Variants in PHACTR1 observed in about 807,000 individuals in gnomAD.
PHACTR1 encodes RPEL repeat containing 1.
In PHACTR1, 16 loss-of-function variants were observed where a neutral mutation model predicts 69.2. That is an observed-to-expected ratio of 0.23 (90% CI 0.16 to 0.35). PHACTR1 has a LOEUF of 0.35. PHACTR1 is among the 10% of genes least tolerant of loss of function. The probability of loss-of-function intolerance (pLI) is 1.00; values close to 1 mark genes in which losing one functional copy is unlikely to be tolerated. For synonymous variants in PHACTR1, 312 were observed against 284.5 expected (o/e 1.10, Z -0.97); for missense variants, 510 against 734.7 (o/e 0.69, Z 3.54).
chr6:12,901,587 T>C (rs1785197480), intron 4 of PHACTR1, among the ~76,000 whole-genome samples: 1 of 152,098 alleles, frequency 6.6e-6, no homozygotes, highest in Non-Finnish European at 1.5e-5. Context: ...CTCCGCCTCC[T>C]GGGTTCAAGC....
chr6:13,197,088 G>A (rs1052143102), intron 7 of PHACTR1, among the ~76,000 whole-genome samples: 8 of 152,218 alleles, frequency 5.3e-5, no homozygotes, highest in Non-Finnish European at 8.8e-5. Flanking sequence ...GCACGTTCAC[G>A]TGATCCTGTC....
chr6:12,828,235 T>G (rs1278011524), intron 4 of PHACTR1, among the ~76,000 whole-genome samples: 2 of 152,206 alleles, frequency 1.3e-5, no homozygotes, highest in Non-Finnish European at 2.9e-5. Context: ...TTTGCTTCTC[T>G]ATTCTTCCCA....
At position 12,718,792 on chromosome 6, in the gene PHACTR1, C is replaced by T; in HGVS notation, c.48C>T (p.His16=). ...MDYFLDVESA[H]RLLDVESAQR... ...ATTTTCTGGATGTAGAGTCTGCTCA[C>T]AGACTCTTGGATGTTGAGTCAGCTC... The change falls in exon 3 of 15, where the codon CAC becomes CAT. Residue 16 remains histidine (H), a synonymous_variant. Transcript: ENST00000332995. 1 of 1,573,746 alleles carries T rather than the reference C, an allele frequency of 6.4e-7. No individual in the cohort carries two copies. The highest frequency in any genetic ancestry group is 8.6e-7 in the Non-Finnish European group (1 of 1,157,096).
At chr6:13,083,662 T>A (rs541220059) in intron 5 of PHACTR1, among the ~76,000 whole-genome samples, 40 of 152,326 alleles carry the variant, frequency 2.6e-4, no homozygotes, top group African/African-American at 8.4e-4. Context: ...GTCCTTTACA[T>A]CCCTTGTAAG....
chr6:12,875,224 G>T (rs115754258), intron 4 of PHACTR1, among the ~76,000 whole-genome samples: 2 of 152,136 alleles, frequency 1.3e-5, no homozygotes, highest in African/African-American at 4.8e-5. Flanking sequence ...ATTCAATGGC[G>T]TGCATGTTAC....
At position 13,028,874 on chromosome 6, in the gene PHACTR1, G is replaced by T. The variant is rs895142506; in HGVS notation, c.251-24491G>T. Among the ~76,000 whole-genome samples the T allele has an allele frequency of 2.6e-5, 4 of 152,326 alleles. No homozygotes were observed. In the East Asian group the frequency reaches 7.7e-4, roughly 29 times the overall value. ...GAGTTCAGTGTGGACTAGTGTCTAG[G>T]AGGAGGCTTTGTATGAAGAGGCTGG... On this transcript the variant is annotated intron_variant, in intron 4 of 14. Coordinates refer to ENST00000332995, the MANE Select transcript of PHACTR1 (RefSeq NM_030948.6).
intron 5 of PHACTR1, among the ~76,000 whole-genome samples, chr6:13,121,622 C>T (rs1379491450): frequency 6.6e-6 from 1 of 152,054 alleles, no homozygotes; most frequent in African/African-American, 2.4e-5. Context: ...CTATAAGCAA[C>T]GGAGAGACAT....
At chr6:12,907,530 G>A (rs2127491092) in intron 4 of PHACTR1, among the ~76,000 whole-genome samples, 1 of 152,310 alleles carries the variant, frequency 6.6e-6, no homozygotes, top group South Asian at 2.1e-4. Context: ...TCTAAGGTTG[G>A]TCCTCAGTTT....
intron 4 of PHACTR1, among the ~76,000 whole-genome samples, chr6:12,936,807 G>T (rs981432934): frequency 5.9e-5 from 9 of 152,220 alleles, no homozygotes; most frequent in African/African-American, 1.9e-4. Flanking sequence ...CAAAAAGACA[G>T]TTGTGGTAAG....
At chr6:13,135,227 C>T (rs1821366332) in intron 5 of PHACTR1, among the ~76,000 whole-genome samples, 1 of 152,222 alleles carries the variant, frequency 6.6e-6, no homozygotes, top group East Asian at 1.9e-4. Flanking sequence ...CCTCCTAACA[C>T]CTGCCATTCA....
chr6:12,860,077 T>G (rs1263046935), intron 4 of PHACTR1, among the ~76,000 whole-genome samples: 4 of 152,056 alleles, frequency 2.6e-5, no homozygotes, highest in Admixed American at 2.6e-4. Context: ...TAGGTATACA[T>G]GTGCCATCGT....
chr6:13,010,464 T>C (rs1454926486), intron 4 of PHACTR1, among the ~76,000 whole-genome samples: 3 of 152,010 alleles, frequency 2.0e-5, no homozygotes, highest in African/African-American at 7.3e-5. Flanking sequence ...AGATCAAGAG[T>C]CCTATCCATG....
chr6:13,036,110 A>C (rs1225080697), intron 4 of PHACTR1, among the ~76,000 whole-genome samples: 1 of 151,168 alleles, frequency 6.6e-6, no homozygotes, highest in Non-Finnish European at 1.5e-5. Flanking sequence ...GCTGACAGTG[A>C]TGGGATTAAA....
chr6:13,119,159 A>G (rs1331413509), intron 5 of PHACTR1, among the ~76,000 whole-genome samples: 1 of 152,130 alleles, frequency 6.6e-6, no homozygotes, highest in Middle Eastern at 3.2e-3. Flanking sequence ...CATATTTCTC[A>G]CATGGTGGAA....
At chr6:12,732,169 T>C (rs1354999197) in intron 3 of PHACTR1, among the ~76,000 whole-genome samples, 1 of 151,956 alleles carries the variant, frequency 6.6e-6, no homozygotes, top group Non-Finnish European at 1.5e-5. Context: ...CAATGCAACA[T>C]ATAGTAATTA....
chr6:12,865,968 T>C (rs1781412511), intron 4 of PHACTR1, among the ~76,000 whole-genome samples: 1 of 152,112 alleles, frequency 6.6e-6, no homozygotes, highest in South Asian at 2.1e-4. Context: ...CTCCCCACCC[T>C]AAGAAAGGCA....
chr6:12,773,750 T>C, intron 4 of PHACTR1, among the ~76,000 whole-genome samples: 1 of 152,194 alleles, frequency 6.6e-6, no homozygotes, highest in Non-Finnish European at 1.5e-5. Context: ...TATCTACTTC[T>C]CATATTACGC....
At chr6:12,866,476 A>C (rs1781467544) in intron 4 of PHACTR1, among the ~76,000 whole-genome samples, 1 of 152,026 alleles carries the variant, frequency 6.6e-6, no homozygotes, top group Non-Finnish European at 1.5e-5. Flanking sequence ...CCTGAAAAAG[A>C]ATGGAAAAGT....
At chr6:12,939,728 C>T (rs1200851652) in intron 4 of PHACTR1, among the ~76,000 whole-genome samples, 2 of 151,964 alleles carry the variant, frequency 1.3e-5, no homozygotes, top group Non-Finnish European at 2.9e-5. Flanking sequence ...GCCAGAGGTG[C>T]CCCACTAGTC....
Sources: gnomAD v4.1 joint callset for allele counts (sites outside exome capture counted in the v4.1 genomes callset) on GRCh38, gnomAD v4.1.1 for gene constraint, MANE v1.5 for transcripts, NCBI Gene and HGNC (gene_info 2026-07-23, HGNC 2026-07-21) for gene names.